The following AKIRIN2 variants were observed in gnomAD, a reference collection of about 807,000 sequenced individuals.
The protein encoded by AKIRIN2 is akirin-2.
Under a neutral mutation model 29.3 loss-of-function variants are expected in AKIRIN2, and 6 were observed. The observed-to-expected ratio is 0.20, with a 90% CI of 0.11 to 0.40. The LOEUF is 0.40. AKIRIN2 is among the 10% of genes least tolerant of loss of function. The pLI is 1.00. For missense variants in AKIRIN2, 210 were observed against 276.1 expected (o/e 0.76, Z 1.70); for synonymous variants, 128 against 117.5 (o/e 1.09, Z -0.58).
intron 1 of AKIRIN2, among the ~76,000 whole-genome samples, chr6:87,693,101 C>A (rs1300494331): frequency 6.6e-6 from 1 of 151,952 alleles, no homozygotes; most frequent in Non-Finnish European, 1.5e-5. Flanking sequence ...TGATGGTGGG[C>A]ACCTGTGGTC....
chr6:87,684,076 AAGAGGTACTAGTTTGG>A lies in AKIRIN2; in HGVS notation c.236-2329_236-2314del, dbSNP rs561372481. On this transcript the variant is annotated intron_variant, in intron 1 of 4. Transcript: ENST00000257787. The stretch of plus-strand genomic sequence containing the variant: ...AAATTTATTTATAACCAGAGATGTT[AAGAGGTACTAGTTTGG>A]AGTAACTTGACCTTAATATTTATCT... Among the ~76,000 whole-genome samples the A allele has an allele frequency of 5.6e-4, 86 of 152,340 alleles. No homozygotes were observed. The East Asian group carries it at 0.014, about 25-fold the overall frequency.
chr6:87,675,934 A>G lies in AKIRIN2; in HGVS notation c.530-3T>C, dbSNP rs1313663221. The G allele has an allele frequency of 6.2e-7, 1 of 1,609,534 alleles. No homozygotes were observed. Among genetic ancestry groups the G allele is most frequent in the Non-Finnish European group, 8.5e-7 (1 of 1,178,564 alleles). ...CTTCACAAACGCATCATATTGTTCT[A>G]TAAATAAAGGTACTTGTCAATTACA... On this transcript the variant is annotated splice_region_variant and splice_polypyrimidine_tract_variant and intron_variant, in intron 3 of 4. Transcript: ENST00000257787.
chr6:87,679,416 G>A (rs1383459520), intron 2 of AKIRIN2, among the ~76,000 whole-genome samples: 6 of 148,982 alleles, frequency 4.0e-5, no homozygotes, highest in Admixed American at 4.0e-4. Flanking sequence ...TCTAGCTACA[G>A]GCTAGGCTGA....
chr6:87,682,195 G>C (rs1044853678), intron 1 of AKIRIN2, among the ~76,000 whole-genome samples: 15 of 152,180 alleles, frequency 9.9e-5, no homozygotes, highest in Non-Finnish European at 7.3e-5. Flanking sequence ...GGGCTTGGGA[G>C]ATTATGTATA....
rs941213454 is a variant in AKIRIN2 at position 87,674,926 on chromosome 6, T to C, written c.*671A>G. ...TCTGTACATTAAGAAACAAGCAAAA[T>C]AGAAGTAAATGTTTTATTCTTCCAA... is the stretch of plus-strand genomic sequence containing the variant. On this transcript the variant is annotated 3_prime_UTR_variant, in exon 5 of 5. Coordinates refer to ENST00000257787, the MANE Select transcript of AKIRIN2 (RefSeq NM_018064.4). 4.0e-5 allele frequency: 6 copies of C among 149,730 alleles called. No homozygotes were observed. Among genetic ancestry groups the C allele is most frequent in the African/African-American group, 7.4e-5 (3 of 40,514 alleles). 9.3% of individuals were successfully genotyped at this position (149,730 alleles called of 1,614,324 possible). A position where few individuals can be genotyped will look rare whatever the true frequency, so the allele number is the denominator to read the frequency against.
At chr6:87,686,962 C>T (rs1241815089) in intron 1 of AKIRIN2, among the ~76,000 whole-genome samples, 1 of 148,272 alleles carries the variant, frequency 6.7e-6, no homozygotes, top group African/African-American at 2.5e-5. Flanking sequence ...AGGAGAATTG[C>T]TTGAACACGG....
chr6:87,684,367 A>G lies in AKIRIN2; in HGVS notation c.236-2604T>C, dbSNP rs1171531909. 2.6e-5 allele frequency among the ~76,000 whole-genome samples: 4 copies of G among 152,358 alleles called. No individual in the cohort carries two copies. The East Asian group carries it at 7.7e-4, about 29-fold the overall frequency. On this transcript the variant is annotated intron_variant, in intron 1 of 4. Transcript: ENST00000257787. ...CAGATACTTAGGGACATCACTAACA[A>G]TTTTAAGGTATAATTTACAAATGAC...
At chr6:87,683,017 A>G (rs1242899377) in intron 1 of AKIRIN2, among the ~76,000 whole-genome samples, 1 of 152,220 alleles carries the variant, frequency 6.6e-6, no homozygotes, top group Non-Finnish European at 1.5e-5. Flanking sequence ...CACCATATCT[A>G]CAAAATCCTG....
chr6:87,677,357 ATTCTAT>A (rs1041487244), intron 3 of AKIRIN2, among the ~76,000 whole-genome samples: 1 of 152,216 alleles, frequency 6.6e-6, no homozygotes, highest in Non-Finnish European at 1.5e-5. Context: ...GTGGCTAAAC[ATTCTAT>A]TTATGTTACC....
rs577935869 is a variant in AKIRIN2 at position 87,677,680 on chromosome 6, T to G, written c.529+138A>C. On this transcript the variant is annotated intron_variant, in intron 3 of 4. Transcript: ENST00000257787. ...GGGCATGAGCTATAAGAAGGTTAAT[T>G]TTCTTTCCTGAACTGAAATTTTCTC... 39 of 1,088,868 alleles carry G rather than the reference T, an allele frequency of 3.6e-5. 2 individuals are homozygous for G. The South Asian group carries it at 5.8e-4, about 16-fold the overall frequency. The allele number at this position is 1,088,868 out of a possible 1,614,324, so 67.5% of individuals were successfully genotyped here. A position where few individuals can be genotyped will look rare whatever the true frequency, so the allele number is the denominator to read the frequency against.
intron 3 of AKIRIN2, among the ~76,000 whole-genome samples, chr6:87,676,596 A>AACACACGCACGCGCGCGCACATACAC (rs1485678233): frequency 2.8e-5 from 4 of 142,046 alleles, no homozygotes; most frequent in African/African-American, 1.1e-4. Flanking sequence ...CTCTACTAAA[A>AACACACGCACGCGCGCGCACATACAC]ACACACACAC....
intron 1 of AKIRIN2, among the ~76,000 whole-genome samples, chr6:87,694,303 A>G (rs535055336): frequency 9.2e-5 from 14 of 152,376 alleles, no homozygotes; most frequent in African/African-American, 3.1e-4. Flanking sequence ...TAATCAGTAA[A>G]CCAATTTCAA....
At chr6:87,677,170 A>G (rs1771028062) in intron 3 of AKIRIN2, among the ~76,000 whole-genome samples, 1 of 152,176 alleles carries the variant, frequency 6.6e-6, no homozygotes, top group Admixed American at 6.5e-5. Flanking sequence ...ATGAATGGCA[A>G]CTGACTGCAA....
chr6:87,684,936 A>G (rs972445246), intron 1 of AKIRIN2, among the ~76,000 whole-genome samples: 1 of 152,228 alleles, frequency 6.6e-6, no homozygotes, highest in African/African-American at 2.4e-5. Flanking sequence ...TTCTTACAAA[A>G]TAAAATTGCT....
At chr6:87,698,135 T>C (rs1771400268) in intron 1 of AKIRIN2, among the ~76,000 whole-genome samples, 1 of 152,218 alleles carries the variant, frequency 6.6e-6, no homozygotes, top group Non-Finnish European at 1.5e-5. Flanking sequence ...ATGCAGCTAC[T>C]AGAGGCATTC....
intron 2 of AKIRIN2, among the ~76,000 whole-genome samples, chr6:87,681,145 C>T (rs530897916): frequency 2.0e-5 from 3 of 152,218 alleles, no homozygotes; most frequent in Admixed American, 2.0e-4. Flanking sequence ...TCAAGTGATT[C>T]TCATGCCTCA....
intron 1 of AKIRIN2, among the ~76,000 whole-genome samples, chr6:87,691,536 A>T (rs1771278654): frequency 6.6e-6 from 1 of 152,050 alleles, no homozygotes; most frequent in Admixed American, 6.6e-5. Context: ...TTAAAGAGAC[A>T]TCTGTAAATG....
chr6:87,690,044 CTACTAA>C (rs1771253908), intron 1 of AKIRIN2, among the ~76,000 whole-genome samples: 1 of 152,040 alleles, frequency 6.6e-6, no homozygotes, highest in East Asian at 1.9e-4. Flanking sequence ...AACCCTGTCT[CTACTAA>C]AACTACAAAA....
intron 1 of AKIRIN2, among the ~76,000 whole-genome samples, chr6:87,682,494 CT>C (rs764124117): frequency 4.0e-4 from 61 of 152,156 alleles, no homozygotes; most frequent in Non-Finnish European, 7.9e-4. Context: ...CTGGCACATC[CT>C]TTAGGCCACT....
Sources: gnomAD v4.1 joint callset for allele counts (sites outside exome capture counted in the v4.1 genomes callset) on GRCh38, gnomAD v4.1.1 for gene constraint, MANE v1.5 for transcripts, NCBI Gene and HGNC (gene_info 2026-07-23, HGNC 2026-07-21) for gene names.